Variants in SETDB1 observed in about 807,000 individuals in gnomAD.
The protein encoded by SETDB1 is SET domain bifurcated histone lysine methyltransferase 1.
In SETDB1, 31 loss-of-function variants were observed where a neutral mutation model predicts 137.4. The observed-to-expected ratio is 0.23, with a 90% CI of 0.17 to 0.30. The LOEUF (loss-of-function observed/expected upper bound fraction) is 0.30, where lower values mean the gene tolerates loss of function less well. SETDB1 is among the 10% of genes least tolerant of loss of function. The pLI is 1.00. For synonymous variants in SETDB1, 548 were observed against 579.9 expected (o/e 0.95, Z 0.79); for missense variants, 1,113 against 1,631.5 (o/e 0.68, Z 5.47).
chr1:150,962,481 GCCTGTCTTTTTGA>G, intron 17 of SETDB1, 93 bp from the exon 18 acceptor site: 1 of 1,100,940 alleles, frequency 9.1e-7, no homozygotes, highest in South Asian at 1.4e-5. Context: ...CCAGCCCAGT[GCCTGTCTTTTTGA>G]CCTGTCTCCA....
intron 14 of SETDB1, 139 bp downstream of exon 14, chr1:150,951,620 ATCT>A (rs1404101579): frequency 1.8e-6 from 1 of 545,748 alleles, no homozygotes; most frequent in Non-Finnish European, 3.3e-6. Flanking sequence ...TATTAATTAG[ATCT>A]TATTTCATGA....
chr1:150,930,795 C>G (rs1378854589), intron 3 of SETDB1, among the ~76,000 whole-genome samples: 1 of 152,106 alleles, frequency 6.6e-6, no homozygotes, highest in Admixed American at 6.6e-5. Flanking sequence ...CTTGGCCTCC[C>G]AAAGTGCTGG....
chr1:150,931,885 TATC>T (rs1317238180), intron 3 of SETDB1, among the ~76,000 whole-genome samples: 1 of 152,050 alleles, frequency 6.6e-6, no homozygotes, highest in Non-Finnish European at 1.5e-5. Flanking sequence ...TGAGAGATTT[TATC>T]ATAGCCTAAT....
At position 150,963,211 on chromosome 1, in the gene SETDB1, A is replaced by G; in HGVS notation, c.3460+72A>G. 2.1e-6 allele frequency: 3 copies of G among 1,408,412 alleles called. No homozygotes were observed. The South Asian group carries it at 3.8e-5, about 18-fold the overall frequency. The allele number at this position is 1,408,412 out of a possible 1,614,324, so 87.2% of individuals were successfully genotyped here. A position where few individuals can be genotyped will look rare whatever the true frequency, so the allele number is the denominator to read the frequency against. ...CTTGGGATAGAGCATTTTTTAAGGA[A>G]GCTAAAGAAGTAGTGGGTAAAAATT... On this transcript the variant is annotated intron_variant, in intron 19 of 21. Transcript: ENST00000692827.
intron 20 of SETDB1, 79 bp from the exon 21 acceptor site, chr1:150,963,916 T>C: frequency 9.9e-6 from 14 of 1,412,638 alleles, no homozygotes; most frequent in Non-Finnish European, 1.4e-5. Context: ...GGCATCATTT[T>C]TCTTCCAACT....
At chr1:150,931,817 G>A (rs1204939180) in intron 3 of SETDB1, among the ~76,000 whole-genome samples, 2 of 150,092 alleles carry the variant, frequency 1.3e-5, no homozygotes, top group African/African-American at 4.9e-5. Flanking sequence ...TATGTTAGCA[G>A]TAGGTTTTCT....
chr1:150,938,166 A>T (rs1449268228), intron 3 of SETDB1, among the ~76,000 whole-genome samples: 1 of 151,090 alleles, frequency 6.6e-6, no homozygotes, highest in Non-Finnish European at 1.5e-5. Flanking sequence ...GGTTGCAGTG[A>T]GTTGAGATCA....
In SETDB1 at chr1:150,942,670, A is replaced by G; in HGVS notation, c.655A>G (p.Ile219Val). 4.3e-6 allele frequency: 7 copies of G among 1,613,316 alleles called. No homozygotes were observed. The highest frequency in any genetic ancestry group is 5.9e-6 in the Non-Finnish European group (7 of 1,179,726). Residue 219 changes from isoleucine to valine, a missense_variant, in exon 6 of 22, where the codon ATT (isoleucine) becomes GTT (valine). Ile to Val is a conservative substitution (Grantham distance 29, BLOSUM62 3). Coordinates refer to ENST00000692827, the MANE Select transcript of SETDB1 (RefSeq NM_001366418.1). ...RTKTWHKGTL[I>V]AIQTVGPGKK... Reference sequence around the variant, plus strand: ...TAAGACTTGGCACAAAGGCACCCTTATTGCCATCCAGACAGTTGGTATGTG... The same window carrying G: ...TAAGACTTGGCACAAAGGCACCCTTGTTGCCATCCAGACAGTTGGTATGTG...
In SETDB1 at chr1:150,961,338, A is replaced by G. The variant is rs1670814913; in HGVS notation, c.3132+147A>G. Reference sequence around the variant, plus strand: ...CGTTATCTCTCCCCCTAACTAGCACATTCCTAGTGTTTGTTTAAAGAACCA... The same window carrying G: ...CGTTATCTCTCCCCCTAACTAGCACGTTCCTAGTGTTTGTTTAAAGAACCA... On this transcript the variant is annotated intron_variant, in intron 16 of 21. Coordinates refer to ENST00000692827, the MANE Select transcript of SETDB1 (RefSeq NM_001366418.1). The G allele has an allele frequency of 3.6e-6, 3 of 823,234 alleles. No homozygotes were observed. In the East Asian group the frequency reaches 8.1e-5, roughly 22 times the overall value. 51.0% of individuals were successfully genotyped at this position (823,234 alleles called of 1,614,324 possible).
At chr1:150,950,034 G>C (rs1670450030) in intron 12 of SETDB1, among the ~76,000 whole-genome samples, 1 of 152,140 alleles carries the variant, frequency 6.6e-6, no homozygotes, top group African/African-American at 2.4e-5. Flanking sequence ...GGGAGTTCGA[G>C]ACCAGCCTGG....
chr1:150,950,506 G>A lies in SETDB1; in HGVS notation c.1632G>A (p.Pro544=), dbSNP rs765243487. 36 of 1,612,774 alleles carry A rather than the reference G, an allele frequency of 2.2e-5. No homozygotes were observed. The highest frequency in any genetic ancestry group is 2.7e-5 in the Non-Finnish European group (32 of 1,179,372). ...CTGCCCCAGCACCCTCAGCACTCCC[G>A]GCCCCTCCAGCACCCCCAGTCTTCC... is the stretch of plus-strand genomic sequence containing the variant. The part of the protein sequence containing the change: ...TASAPAPSAL[P]APPAPPVFHG... Residue 544 remains proline (P), a synonymous_variant, in exon 13 of 22, where the codon CCG becomes CCA. Transcript: ENST00000692827.
intron 20 of SETDB1, 86 bp from the exon 21 acceptor site, chr1:150,963,909 A>G (rs995496660): frequency 1.3e-5 from 17 of 1,355,342 alleles, no homozygotes; most frequent in Non-Finnish European, 3.2e-6. Flanking sequence ...GTCAGATGGC[A>G]TCATTTTTCT....
At chr1:150,928,094 G>T in intron 2 of SETDB1, 120 bp downstream of exon 2, 1 of 1,230,694 alleles carries the variant, frequency 8.1e-7, no homozygotes, top group Non-Finnish European at 1.1e-6. Flanking sequence ...GTCTCGCTCT[G>T]TCACCCAAGC....
chr1:150,927,853 G>A lies in SETDB1; in HGVS notation c.139G>A (p.Glu47Lys). The A allele has an allele frequency of 6.2e-7, 1 of 1,614,140 alleles. No homozygotes were observed. The highest frequency in any genetic ancestry group is 8.5e-7 in the Non-Finnish European group (1 of 1,180,034). ...GGAACTTCGGCATTTCATCGATGAG[G>A]AACTGGAGAAGATGGATTGTGTACA... Reference protein sequence around the residue: ...MEELRHFIDEELEKMDCVQQR... With the variant: ...MEELRHFIDEKLEKMDCVQQR... Residue 47 changes from glutamate (E) to lysine (K), a missense_variant, in exon 2 of 22, where the codon GAA becomes AAA. Transcript: ENST00000692827.
chr1:150,935,158 C>G (rs1308207757), intron 3 of SETDB1, among the ~76,000 whole-genome samples: 1 of 152,196 alleles, frequency 6.6e-6, no homozygotes, highest in East Asian at 1.9e-4. Context: ...ACAGAGTTTT[C>G]TTTCAGTACT....
chr1:150,937,532 C>T (rs1244089336), intron 3 of SETDB1, among the ~76,000 whole-genome samples: 2 of 152,090 alleles, frequency 1.3e-5, no homozygotes, highest in East Asian at 3.8e-4. Flanking sequence ...GCAGGTGGAT[C>T]ATTTAAACCC....
At chr1:150,963,455 T>C (rs1054115753) in intron 19 of SETDB1, 75 bp from the exon 20 acceptor site, 6 of 1,202,316 alleles carry the variant, frequency 5.0e-6, no homozygotes, top group Non-Finnish European at 6.0e-6. Context: ...GAAATAGGGG[T>C]AGAATGTCCA....
At chr1:150,953,169 A>T (rs1670545458) in intron 14 of SETDB1, among the ~76,000 whole-genome samples, 1 of 152,276 alleles carries the variant, frequency 6.6e-6, no homozygotes, top group South Asian at 2.1e-4. Context: ...AGGCCGAAAG[A>T]TTACTTGAGG....
chr1:150,962,212 A>G, intron 17 of SETDB1, 54 bp downstream of exon 17: 1 of 1,527,022 alleles, frequency 6.5e-7, no homozygotes, highest in South Asian at 1.1e-5. Context: ...TTTGTCACCC[A>G]GGCTGGAGTG....
Sources: gnomAD v4.1 joint callset for allele counts (sites outside exome capture counted in the v4.1 genomes callset) on GRCh38, gnomAD v4.1.1 for gene constraint, MANE v1.5 for transcripts, NCBI Gene and HGNC (gene_info 2026-07-23, HGNC 2026-07-21) for gene names.